The following VPS13B variants were observed in gnomAD, a reference collection of about 807,000 sequenced individuals.
VPS13B encodes the protein vacuolar protein sorting 13 homolog B, also known as intermembrane lipid transfer protein VPS13B.
Under a neutral mutation model 426.4 loss-of-function variants are expected in VPS13B, and 285 were observed. The ratio of observed to expected loss-of-function variants is 0.67; its 90% CI spans 0.61 to 0.74. The LOEUF is 0.74. Among genes scored for constraint, VPS13B ranks in the 30% least tolerant of loss-of-function variants. The pLI, the probability that VPS13B is intolerant of heterozygous loss-of-function variation, is 0.00. For missense variants in VPS13B, 4,537 were observed against 4,782.6 expected, an observed-to-expected ratio of 0.95 and a Z score of 1.51; for synonymous variants, 1,676 against 1,676.4, an observed-to-expected ratio of 1.00 and a Z score of 0.01.
intron 17 of VPS13B, among the ~76,000 whole-genome samples, chr8:99,260,502 A>G (rs1291251319): frequency 3.2e-4 from 49 of 152,228 alleles, no homozygotes; most frequent in Non-Finnish European, 3.7e-4. Flanking sequence ...TATGTTAATA[A>G]TTCAGTTTCC....
intron 30 of VPS13B, among the ~76,000 whole-genome samples, chr8:99,547,002 A>G (rs1406081040): frequency 3.3e-5 from 5 of 152,094 alleles, no homozygotes; most frequent in Admixed American, 6.6e-5. Context: ...GTAATGTACT[A>G]TGAACATTTG....
intron 59 of VPS13B, among the ~76,000 whole-genome samples, chr8:99,870,141 T>C (rs930781413): frequency 7.2e-5 from 11 of 152,244 alleles, no homozygotes; most frequent in African/African-American, 2.7e-4. Context: ...TTAGCACAGA[T>C]ACAGAAGTAT....
intron 35 of VPS13B, among the ~76,000 whole-genome samples, chr8:99,683,880 A>T (rs1014473216): frequency 2.6e-5 from 4 of 152,142 alleles, no homozygotes; most frequent in African/African-American, 9.7e-5. Context: ...TACTATGTTG[A>T]GTATGAATAA....
At chr8:99,091,197 C>G (rs1482711860) in intron 3 of VPS13B, among the ~76,000 whole-genome samples, 3 of 152,230 alleles carry the variant, frequency 2.0e-5, no homozygotes, top group Admixed American at 6.5e-5. Context: ...GAAAATGACT[C>G]TGGTCCTTTT....
chr8:99,772,380 A>G (rs78182285), intron 40 of VPS13B, among the ~76,000 whole-genome samples: 1,960 of 152,290 alleles, frequency 0.013, 50 homozygotes, highest in African/African-American at 0.045. Flanking sequence ...AAAGACAAAT[A>G]TTATATGATT....
Position 99,728,140 on chromosome 8 carries a change from C to T in VPS13B, c.7050+7093C>T, listed in dbSNP as rs150559883. On this transcript the variant is annotated intron_variant, in intron 39 of 61. Transcript: ENST00000357162. Reference sequence around the variant, plus strand: ...TGGCATTTTGTTTATATGTCAGTCTCTAGTGAACTTTGTTAGCATGAGTCA... The same window carrying T: ...TGGCATTTTGTTTATATGTCAGTCTTTAGTGAACTTTGTTAGCATGAGTCA... Among the ~76,000 whole-genome samples, 7 of 152,274 alleles carry T rather than the reference C, an allele frequency of 4.6e-5. No homozygotes were observed. In the East Asian group the frequency reaches 1.3e-3, roughly 29 times the overall value.
intron 30 of VPS13B, among the ~76,000 whole-genome samples, chr8:99,538,061 C>T (rs1479912963): frequency 1.3e-5 from 2 of 152,216 alleles, no homozygotes; most frequent in East Asian, 3.9e-4. Context: ...TTTAGGTTTC[C>T]TCACTTTACC....
At position 99,699,889 on chromosome 8, in the gene VPS13B, C is replaced by T; in HGVS notation, c.6411C>T (p.Asn2137=). The change falls in exon 36 of 62, where the codon AAC becomes AAT. Residue 2137 remains asparagine (N), a synonymous_variant. Coordinates refer to ENST00000357162, the MANE Select transcript of VPS13B (RefSeq NM_152564.5). ...CATGCCTGTTAGCATCTCTCTCAAA[C>T]CTCAATGGAAGCCTTAGTGTCAAGG... ...SKPCLLASLS[N]LNGSLSVKAT... 1 of 1,613,974 alleles carries T rather than the reference C, an allele frequency of 6.2e-7. No homozygotes were observed. Among genetic ancestry groups the T allele is most frequent in the African/African-American group, 1.3e-5 (1 of 75,040 alleles).
At chr8:99,702,466 T>A (rs1220363382) in intron 36 of VPS13B, among the ~76,000 whole-genome samples, 2 of 152,132 alleles carry the variant, frequency 1.3e-5, no homozygotes, top group Non-Finnish European at 2.9e-5. Context: ...AGCATTGCCT[T>A]GGTACAGTAC....
intron 2 of VPS13B, among the ~76,000 whole-genome samples, chr8:99,025,063 C>T (rs952033921): frequency 2.0e-5 from 3 of 151,932 alleles, no homozygotes; most frequent in African/African-American, 7.3e-5. Flanking sequence ...GAAATGGGAT[C>T]ACTTTCTTGA....
chr8:99,512,426 A>G (rs563608947), intron 29 of VPS13B, among the ~76,000 whole-genome samples: 2 of 152,230 alleles, frequency 1.3e-5, no homozygotes, highest in African/African-American at 4.8e-5. Flanking sequence ...AGGAGCACCT[A>G]ATGAAATTTT....
intron 17 of VPS13B, among the ~76,000 whole-genome samples, chr8:99,198,229 G>A (rs562923554): frequency 2.0e-4 from 31 of 152,108 alleles, no homozygotes; most frequent in East Asian, 1.3e-3. Flanking sequence ...CTTGGCATTA[G>A]CACTTATCAC....
rs770122964 is a variant in VPS13B at position 99,121,354 on chromosome 8, C to A, written c.1115C>A (p.Ala372Glu). ...GEEDFVGNDP[A>E]STMHQQKAQT... ...GAAGACTTTGTTGGGAACGATCCTG[C>A]ATCAACCATGCATCAACAAAAAGCA... Residue 372 changes from alanine to glutamate, a missense_variant, in exon 8 of 62, where the codon GCA becomes GAA. By Grantham distance (107) the Ala-to-Glu change is moderately radical. This residue lies in a region of VPS13B where 4,311 missense variants were observed against 4,474.3 expected (regional missense o/e 0.96). Transcript: ENST00000357162. 1.9e-6 allele frequency: 3 copies of A among 1,614,076 alleles called. No individual in the cohort carries two copies. The highest frequency in any genetic ancestry group is 2.5e-6 in the Non-Finnish European group (3 of 1,180,034).
At position 99,717,282 on chromosome 8, in the gene VPS13B, T is replaced by G. The variant is rs768005455; in HGVS notation, c.6566T>G (p.Leu2189Arg). 10 of 1,613,988 alleles carry G rather than the reference T, an allele frequency of 6.2e-6. No homozygotes were observed. Among genetic ancestry groups the G allele is most frequent in the Non-Finnish European group, 5.1e-6 (6 of 1,180,006 alleles). Residue 2189 changes from leucine (L) to arginine (R), a missense_variant, in exon 37 of 62, where the codon CTG (leucine) becomes CGG (arginine). By Grantham distance (102) the Leu-to-Arg change is moderately radical (BLOSUM62 -2). Around this residue, in one of 2 missense-constraint regions of VPS13B, gnomAD observed 4,311 missense variants for 4,474.3 expected, o/e 0.96. Coordinates refer to ENST00000357162, the MANE Select transcript of VPS13B (RefSeq NM_152564.5). ...LIGPCCATAN[L>R]EAKWCKHSGN... ...GGACCATGTTGTGCTACTGCCAATC[T>G]GGAAGCTAAGTGGTGTAAACACAGC...
chr8:99,788,551 T>C (rs1017939449), intron 43 of VPS13B, among the ~76,000 whole-genome samples: 12 of 152,270 alleles, frequency 7.9e-5, no homozygotes, highest in African/African-American at 2.4e-4. Context: ...AAGGGCCAGA[T>C]AGTAAATATT....
chr8:99,503,227 T>C (rs902010675), intron 27 of VPS13B, among the ~76,000 whole-genome samples: 16 of 152,228 alleles, frequency 1.1e-4, no homozygotes, highest in African/African-American at 3.6e-4. Context: ...TTTTAAAATG[T>C]ACATACCTTA....
chr8:99,108,907 AT>A (rs1847196358), intron 5 of VPS13B, among the ~76,000 whole-genome samples: 2 of 152,084 alleles, frequency 1.3e-5, no homozygotes, highest in Admixed American at 6.6e-5. Flanking sequence ...CTCCACTTCA[AT>A]TTTTTGGAAC....
chr8:99,676,467 G>A (rs570288874), intron 35 of VPS13B, among the ~76,000 whole-genome samples: 2 of 152,120 alleles, frequency 1.3e-5, no homozygotes, highest in Admixed American at 1.3e-4. Flanking sequence ...CCTGATGCTA[G>A]ATTTTACTAT....
At chr8:99,342,493 G>A (rs1045065662) in intron 19 of VPS13B, among the ~76,000 whole-genome samples, 6 of 152,072 alleles carry the variant, frequency 3.9e-5, no homozygotes, top group African/African-American at 9.7e-5. Context: ...AGATCATATG[G>A]TGTATCTTTC....
Sources: allele counts gnomAD v4.1 joint callset (sites outside exome capture counted in the v4.1 genomes callset), GRCh38; gene constraint gnomAD v4.1.1; regional missense constraint gnomAD v4.1.1; transcripts MANE v1.5; gene names NCBI Gene and HGNC (gene_info 2026-07-23, HGNC 2026-07-21).